SCN2A: variants seen among roughly 807,000 people sequenced by gnomAD.
SCN2A encodes sodium channel protein type 2 subunit alpha.
A neutral mutation model predicts 188.7 loss-of-function variants in SCN2A; 20 were observed. The ratio of observed to expected loss-of-function variants is 0.11; its 90% CI spans 0.07 to 0.15. The LOEUF (loss-of-function observed/expected upper bound fraction) is 0.15. SCN2A is among the 10% of genes least tolerant of loss of function. The pLI, the probability that SCN2A is intolerant of heterozygous loss-of-function variation, is 1.00. For synonymous variants in SCN2A, 804 were observed against 833.1 expected (o/e 0.97, Z 0.60); for missense variants, 1,278 against 2,445.0 (o/e 0.52, Z 10.07).
At position 165,365,373 on chromosome 2, in the gene SCN2A, GTATC is replaced by G. The variant is rs3835934; in HGVS notation, c.3520+133_3520+136del. On this transcript the variant is annotated intron_variant, in intron 18 of 26. Coordinates refer to ENST00000375437, the MANE Select transcript of SCN2A (RefSeq NM_001040142.2). ...TCTACCATCTATTATCTATCTATCT[GTATC>G]TATCTATCTATCTATCTATCTAGTA... is the stretch of plus-strand genomic sequence containing the variant. 0.46 allele frequency: 391,345 copies of G among 856,116 alleles called. 98,786 individuals are homozygous for G. The highest frequency in any genetic ancestry group is 0.51 in the Admixed American group (25,000 of 49,486). The allele number at this position is 856,116 out of a possible 1,614,324, so 53.0% of individuals were successfully genotyped here. A position where few individuals can be genotyped will look rare whatever the true frequency, so the allele number is the denominator to read the frequency against.
chr2:165,362,790 T>A (rs1264712868), intron 17 of SCN2A, among the ~76,000 whole-genome samples: 3 of 152,056 alleles, frequency 2.0e-5, no homozygotes, highest in Non-Finnish European at 4.4e-5. Context: ...ATTTGACCCA[T>A]ACATTATCAA....
chr2:165,345,362 T>A (rs1574643448), intron 16 of SCN2A, among the ~76,000 whole-genome samples: 1 of 152,300 alleles, frequency 6.6e-6, no homozygotes, highest in South Asian at 2.1e-4. Context: ...ACATTGTCTC[T>A]AAAAACATTA....
chr2:165,271,854 T>G (rs890558966), intron 1 of SCN2A: 1 of 152,198 alleles, frequency 6.6e-6, no homozygotes, highest in Admixed American at 6.6e-5. Flanking sequence ...CTTAACAGTT[T>G]TTTTTTTTAG....
intron 1 of SCN2A, among the ~76,000 whole-genome samples, chr2:165,244,978 G>GA (rs1261622671): frequency 6.6e-6 from 1 of 152,050 alleles, no homozygotes; most frequent in Non-Finnish European, 1.5e-5. Flanking sequence ...ATGAAAAAAA[G>GA]AAAGGGAGAT....
In SCN2A at chr2:165,314,111, A is replaced by T; in HGVS notation, c.1383+3A>T. 6.2e-7 allele frequency: 1 copy of T among 1,612,974 alleles called. No homozygotes were observed. The highest frequency in any genetic ancestry group is 1.1e-5 in the South Asian group (1 of 91,028). ...AAAAGCAACAAGAAGAAGCTCAGGT[A>T]TAGTGAACAAGCATACGGTCCTTTG... On this transcript the variant is annotated splice_donor_region_variant and intron_variant, in intron 10 of 26. Coordinates refer to ENST00000375437, the MANE Select transcript of SCN2A (RefSeq NM_001040142.2).
intron 1 of SCN2A, among the ~76,000 whole-genome samples, chr2:165,283,075 C>T (rs554945849): frequency 2.8e-4 from 43 of 151,434 alleles, no homozygotes; most frequent in South Asian, 1.0e-3. Flanking sequence ...TATTTCCTAG[C>T]GGTAGAAATA....
At chr2:165,357,980 G>C (rs1218982563) in intron 17 of SCN2A, among the ~76,000 whole-genome samples, 1 of 152,044 alleles carries the variant, frequency 6.6e-6, no homozygotes, top group South Asian at 2.1e-4. Flanking sequence ...AACATGCACA[G>C]CTGCTATTAT....
At chr2:165,290,763 A>T in intron 1 of SCN2A, 1 of 985,268 alleles carries the variant, frequency 1.0e-6, no homozygotes, top group South Asian at 4.7e-5. Context: ...CAGTAGGACA[A>T]CTTACTATGG....
chr2:165,281,803 A>G (rs1695594216), intron 1 of SCN2A, among the ~76,000 whole-genome samples: 1 of 152,210 alleles, frequency 6.6e-6, no homozygotes, highest in South Asian at 2.1e-4. Flanking sequence ...CTCCATGCTA[A>G]GAAGGGCCCC....
intron 14 of SCN2A, among the ~76,000 whole-genome samples, chr2:165,338,374 C>G (rs1699120127): frequency 6.6e-6 from 1 of 151,814 alleles, no homozygotes; most frequent in Non-Finnish European, 1.5e-5. Flanking sequence ...GTTCTGCTGC[C>G]TTAGCCTCCC....
intron 16 of SCN2A, among the ~76,000 whole-genome samples, chr2:165,346,840 A>G (rs1469418689): frequency 6.6e-6 from 1 of 152,252 alleles, no homozygotes; most frequent in Non-Finnish European, 1.5e-5. Context: ...CATATGAATA[A>G]AAGCTCATCA....
chr2:165,257,981 T>TTTGTTG (rs142097858), intron 1 of SCN2A, among the ~76,000 whole-genome samples: 2 of 151,572 alleles, frequency 1.3e-5, no homozygotes, highest in South Asian at 2.1e-4. Context: ...TAATGGTGGT[T>TTTGTTG]TTGTTGTTGT....
At chr2:165,367,496 G>A (rs1024941483) in intron 19 of SCN2A, 125 bp downstream of exon 19, 16 of 1,123,718 alleles carry the variant, frequency 1.4e-5, no homozygotes, top group Middle Eastern at 1.9e-4. Context: ...TATGTGTGAC[G>A]TGTTTAGCAC....
chr2:165,300,417 A>T (rs1696742495), intron 3 of SCN2A, among the ~76,000 whole-genome samples: 1 of 152,172 alleles, frequency 6.6e-6, no homozygotes, highest in Non-Finnish European at 1.5e-5. Context: ...AAATACGTCG[A>T]TTGGGAGCTA....
chr2:165,253,227 T>C (rs952374786), intron 1 of SCN2A, among the ~76,000 whole-genome samples: 6 of 152,156 alleles, frequency 3.9e-5, no homozygotes, highest in African/African-American at 1.2e-4. Context: ...CTGCCCTTCT[T>C]AACCTTTACA....
At chr2:165,337,623 C>T (rs1442617193) in intron 14 of SCN2A, among the ~76,000 whole-genome samples, 2 of 151,854 alleles carry the variant, frequency 1.3e-5, no homozygotes, top group African/African-American at 4.8e-5. Flanking sequence ...TAATGTCTTA[C>T]CAGAAATAAT....
chr2:165,294,867 T>C (rs1245389166), intron 1 of SCN2A, among the ~76,000 whole-genome samples: 1 of 152,222 alleles, frequency 6.6e-6, no homozygotes, highest in East Asian at 1.9e-4. Flanking sequence ...CTTGAAAAGA[T>C]AAACTATCGT....
intron 1 of SCN2A, among the ~76,000 whole-genome samples, chr2:165,283,277 C>T (rs72872471): frequency 0.24 from 37,004 of 151,988 alleles, 4,778 homozygotes; most frequent in Non-Finnish European, 0.28. Context: ...AACCTACAGC[C>T]CAGGAGACCT....
At position 165,374,807 on chromosome 2, in the gene SCN2A, T is replaced by C. The variant is rs2105373121; in HGVS notation, c.4095T>C (p.His1365=). The change falls in exon 22 of 27, where the codon CAT becomes CAC. Residue 1365 remains histidine (H), a synonymous_variant. Coordinates refer to ENST00000375437, the MANE Select transcript of SCN2A (RefSeq NM_001040142.2). ...ATCTCTTTGCTGGCAAGTTTTACCATTGTATTAATTACACCACTGGAGAGA... is the reference window on the plus strand; with the variant it reads ...ATCTCTTTGCTGGCAAGTTTTACCACTGTATTAATTACACCACTGGAGAGA... ...GVNLFAGKFY[H]CINYTTGEMF... is the part of the protein sequence containing the mutation. 4.3e-6 allele frequency: 7 copies of C among 1,613,606 alleles called. No homozygotes were observed. The highest frequency in any genetic ancestry group is 5.9e-6 in the Non-Finnish European group (7 of 1,179,684).
Sources: allele counts gnomAD v4.1 joint callset (sites outside exome capture counted in the v4.1 genomes callset), GRCh38; gene constraint gnomAD v4.1.1; transcripts MANE v1.5; gene names NCBI Gene and HGNC (gene_info 2026-07-23, HGNC 2026-07-21).